The following BRINP1 variants were observed in gnomAD, a reference collection of about 807,000 sequenced individuals.
BRINP1 encodes the protein BMP/retinoic acid inducible neural specific 1.
BRINP1 carries 17 observed loss-of-function variants against 72.9 expected under a neutral mutation model. The ratio of observed to expected loss-of-function variants is 0.23; its 90% CI spans 0.16 to 0.35. The LOEUF (loss-of-function observed/expected upper bound fraction) is 0.35. BRINP1 is among the 10% of genes least tolerant of loss of function. BRINP1 has a pLI of 1.00. For missense variants in BRINP1, 850 were observed against 1,001.6 expected (o/e 0.85, Z 2.04); for synonymous variants, 418 against 378.5 (o/e 1.10, Z -1.21).
At position 119,264,823 on chromosome 9, in the gene BRINP1, C is replaced by G. The variant is rs568096160; in HGVS notation, c.219-15673G>C. Among the ~76,000 whole-genome samples, 257 of 152,270 alleles carry G rather than the reference C, an allele frequency of 1.7e-3. 1 individual carries two copies. The highest frequency in any genetic ancestry group is 6.0e-3 in the African/African-American group (250 of 41,546). ...TAAATGGGATTACAGGCACCCGCCA[C>G]CATGCCAGGCTAATTTTTTTTGTAT... is the stretch of plus-strand genomic sequence containing the variant. On this transcript the variant is annotated intron_variant, in intron 2 of 7. Transcript: ENST00000265922.
chr9:119,172,172 C>T (rs1829420465), intron 7 of BRINP1, among the ~76,000 whole-genome samples: 1 of 151,954 alleles, frequency 6.6e-6, no homozygotes, highest in Non-Finnish European at 1.5e-5. Flanking sequence ...AAAAACCCAT[C>T]AAAAAGTTAA....
chr9:119,233,735 G>A (rs1830167606), intron 5 of BRINP1, among the ~76,000 whole-genome samples: 1 of 152,066 alleles, frequency 6.6e-6, no homozygotes, highest in African/African-American at 2.4e-5. Flanking sequence ...ATTACCAACC[G>A]GATTTAAAAA....
intron 2 of BRINP1, among the ~76,000 whole-genome samples, chr9:119,261,128 C>T (rs1469818177): frequency 6.6e-6 from 1 of 152,068 alleles, no homozygotes; most frequent in African/African-American, 2.4e-5. Context: ...TAGAGGGGTG[C>T]CTGTCTTTGA....
intron 5 of BRINP1, among the ~76,000 whole-genome samples, chr9:119,227,195 A>T (rs1422743418): frequency 6.6e-6 from 1 of 152,056 alleles, no homozygotes; most frequent in Non-Finnish European, 1.5e-5. Flanking sequence ...TCTGAGATAC[A>T]TGTGTTCTTA....
At chr9:119,185,423 T>A (rs1435828615) in intron 7 of BRINP1, among the ~76,000 whole-genome samples, 1 of 152,188 alleles carries the variant, frequency 6.6e-6, no homozygotes, top group Non-Finnish European at 1.5e-5. Context: ...AACAAAATAT[T>A]TCCTCACAAC....
chr9:119,352,606 C>T (rs924339187), intron 1 of BRINP1, among the ~76,000 whole-genome samples: 3 of 152,288 alleles, frequency 2.0e-5, no homozygotes, highest in African/African-American at 7.2e-5. Flanking sequence ...TGGGGTTTCA[C>T]CATGTTGGCC....
intron 5 of BRINP1, among the ~76,000 whole-genome samples, chr9:119,222,411 C>T (rs1269352139): frequency 1.3e-5 from 2 of 152,056 alleles, no homozygotes; most frequent in African/African-American, 4.8e-5. Context: ...CTACAGAGAA[C>T]ATGCGGCCCA....
At chr9:119,176,272 G>T (rs529579146) in intron 7 of BRINP1, among the ~76,000 whole-genome samples, 2 of 152,156 alleles carry the variant, frequency 1.3e-5, no homozygotes, top group Middle Eastern at 3.2e-3. Flanking sequence ...TAAGGCTGTC[G>T]TGCTGTGGAG....
At chr9:119,176,747 G>C (rs1588154977) in intron 7 of BRINP1, among the ~76,000 whole-genome samples, 1 of 152,170 alleles carries the variant, frequency 6.6e-6, no homozygotes, top group East Asian at 1.9e-4. Context: ...TGAAGGTATT[G>C]AGACACTCTC....
intron 2 of BRINP1, among the ~76,000 whole-genome samples, chr9:119,270,960 G>A (rs1459463769): frequency 6.6e-6 from 1 of 152,020 alleles, no homozygotes; most frequent in Non-Finnish European, 1.5e-5. Flanking sequence ...GGAAAATAGA[G>A]TAAGTATAAG....
At chr9:119,170,311 G>A (rs1829389383) in intron 7 of BRINP1, among the ~76,000 whole-genome samples, 1 of 151,908 alleles carries the variant, frequency 6.6e-6, no homozygotes, top group Non-Finnish European at 1.5e-5. Flanking sequence ...TGAAAACCAA[G>A]GCTCGAGAAC....
At chr9:119,360,407 T>G (rs1475872945) in intron 1 of BRINP1, among the ~76,000 whole-genome samples, 85 of 152,162 alleles carry the variant, frequency 5.6e-4, no homozygotes, top group Non-Finnish European at 4.4e-5. Context: ...CCCATCAAAT[T>G]CCATAAGAAA....
At chr9:119,286,807 C>T (rs1051042003) in intron 2 of BRINP1, among the ~76,000 whole-genome samples, 1 of 152,196 alleles carries the variant, frequency 6.6e-6, no homozygotes, top group African/African-American at 2.4e-5. Flanking sequence ...GAGTGTTCTA[C>T]CCTTGTGCCT....
At chr9:119,270,673 G>T (rs1010908519) in intron 2 of BRINP1, among the ~76,000 whole-genome samples, 2 of 152,160 alleles carry the variant, frequency 1.3e-5, no homozygotes, top group Non-Finnish European at 2.9e-5. Context: ...CAATGAAAGG[G>T]GTAGTCAGAA....
In BRINP1 at chr9:119,279,356, C is replaced by G. The variant is rs773698473; in HGVS notation, c.219-30206G>C. On this transcript the variant is annotated intron_variant, in intron 2 of 7. Coordinates refer to ENST00000265922, the MANE Select transcript of BRINP1 (RefSeq NM_014618.3). ...AACCATGGGGATTTCGCCAGGGCAC[C>G]TGCCCACGCACGGTTCCCCTGTGAG... 9.7e-3 allele frequency among the ~76,000 whole-genome samples: 1,484 copies of G among 152,328 alleles called. 12 individuals are homozygous for G. The highest frequency in any genetic ancestry group is 0.016 in the Non-Finnish European group (1,084 of 68,030).
rs879773753 is a variant in BRINP1, at chr9:119,208,924, T to C, written c.940A>G (p.Met314Val). The C allele has an allele frequency of 2.5e-6, 4 of 1,613,970 alleles. No individual in the cohort carries two copies. The highest frequency in any genetic ancestry group is 3.4e-6 in the Non-Finnish European group (4 of 1,179,898). ...AAGTGGTTGCTGGGGAGGCGCTTCA[T>C]AAATGATTTAAACTCATCTAGTGAG... Reference protein sequence around the residue: ...LENSDEFKSFMKRLPSNHFLT... With the variant: ...LENSDEFKSFVKRLPSNHFLT... Residue 314 changes from methionine to valine, a missense_variant, in exon 7 of 8, where the codon ATG (methionine) becomes GTG (valine). Met to Val is a conservative substitution (Grantham distance 21). Transcript: ENST00000265922.
chr9:119,323,852 A>T (rs1470099612), intron 1 of BRINP1, among the ~76,000 whole-genome samples: 1 of 152,188 alleles, frequency 6.6e-6, no homozygotes, highest in Admixed American at 6.5e-5. Flanking sequence ...CTGGAGGAAG[A>T]GTGAAGTTTC....
intron 5 of BRINP1, among the ~76,000 whole-genome samples, chr9:119,236,594 C>T (rs1266390894): frequency 6.6e-6 from 1 of 152,088 alleles, no homozygotes; most frequent in African/African-American, 2.4e-5. Context: ...ATCTTTCCAC[C>T]CTCAGTATGC....
At chr9:119,275,494 C>A (rs897824154) in intron 2 of BRINP1, among the ~76,000 whole-genome samples, 1 of 152,128 alleles carries the variant, frequency 6.6e-6, no homozygotes, top group South Asian at 2.1e-4. Context: ...TACTCTGTCC[C>A]AACTGATGGT....
Sources: gnomAD v4.1 joint callset for allele counts (sites outside exome capture counted in the v4.1 genomes callset) on GRCh38, gnomAD v4.1.1 for gene constraint, MANE v1.5 for transcripts, NCBI Gene and HGNC (gene_info 2026-07-23, HGNC 2026-07-21) for gene names.